Variants in MAD1L1 observed in about 807,000 individuals in gnomAD.
MAD1L1 encodes mitotic arrest deficient 1 like 1, also known as mitotic spindle assembly checkpoint protein MAD1.
Under a neutral mutation model 96.9 loss-of-function variants are expected in MAD1L1, and 95 were observed. The observed-to-expected ratio is 0.98, with a 90% CI of 0.83 to 1.16. MAD1L1 has a LOEUF of 1.16. MAD1L1 is among the 50% of genes most tolerant of loss of function. The pLI is 0.00. For missense variants in MAD1L1, 1,007 were observed against 954.4 expected (o/e 1.06, Z -0.73); for synonymous variants, 473 against 396.6 (o/e 1.19, Z -2.29).
intron 18 of MAD1L1, among the ~76,000 whole-genome samples, chr7:1,831,127 C>A (rs1434696491): frequency 6.6e-6 from 1 of 152,284 alleles, no homozygotes; most frequent in Non-Finnish European, 1.5e-5. Flanking sequence ...CTGTGCCTCA[C>A]AGACACTGCA....
At chr7:2,080,634 G>A (rs952918995) in intron 11 of MAD1L1, among the ~76,000 whole-genome samples, 3 of 150,872 alleles carry the variant, frequency 2.0e-5, no homozygotes, top group East Asian at 2.0e-4. Context: ...AAAGAACAGC[G>A]CTGGGCTCTG....
intron 6 of MAD1L1, among the ~76,000 whole-genome samples, chr7:2,219,018 C>A (rs1345211550): frequency 6.6e-6 from 1 of 152,182 alleles, no homozygotes; most frequent in African/African-American, 2.4e-5. Flanking sequence ...CATGATTACA[C>A]CATTGCACTC....
chr7:2,004,539 C>T (rs891173768), intron 13 of MAD1L1, among the ~76,000 whole-genome samples: 3 of 152,352 alleles, frequency 2.0e-5, no homozygotes, highest in South Asian at 2.1e-4. Context: ...GAGCTGTGCG[C>T]GAGGCCCGGA....
At chr7:2,218,108 G>T in intron 6 of MAD1L1, 65 bp from the exon 7 acceptor site, 2 of 1,246,006 alleles carry the variant, frequency 1.6e-6, no homozygotes, top group Non-Finnish European at 1.2e-6. Flanking sequence ...ATTCTCCTCA[G>T]CCTGAGACCC....
chr7:1,981,412 C>T (rs2128484352), intron 14 of MAD1L1, among the ~76,000 whole-genome samples: 1 of 152,256 alleles, frequency 6.6e-6, no homozygotes, highest in Admixed American at 6.5e-5. Flanking sequence ...CAGGCTGGCG[C>T]AGGCTGAGGG....
chr7:1,833,671 T>C (rs1195653853), intron 18 of MAD1L1, among the ~76,000 whole-genome samples: 1 of 152,252 alleles, frequency 6.6e-6, no homozygotes, highest in Non-Finnish European at 1.5e-5. Context: ...CCAGATGCAG[T>C]GGCTCACGCC....
At chr7:1,861,114 C>T (rs1355850818) in intron 18 of MAD1L1, among the ~76,000 whole-genome samples, 1 of 152,184 alleles carries the variant, frequency 6.6e-6, no homozygotes, top group African/African-American at 2.4e-5. Flanking sequence ...CTGCCCCTGA[C>T]TGGACAACTG....
At chr7:1,875,555 G>C (rs373268227) in intron 18 of MAD1L1, among the ~76,000 whole-genome samples, 1 of 152,200 alleles carries the variant, frequency 6.6e-6, no homozygotes, top group African/African-American at 2.4e-5. Context: ...GGAAGGCGTG[G>C]AACACAGCAG....
At chr7:1,906,960 T>C (rs1056208471) in intron 17 of MAD1L1, among the ~76,000 whole-genome samples, 2 of 152,180 alleles carry the variant, frequency 1.3e-5, no homozygotes, top group African/African-American at 2.4e-5. Flanking sequence ...AGCCTTCCCA[T>C]GGCCTCAGAT....
intron 18 of MAD1L1, among the ~76,000 whole-genome samples, chr7:1,856,005 C>G (rs11762834): frequency 3.9e-5 from 6 of 151,990 alleles, no homozygotes; most frequent in African/African-American, 1.5e-4. Context: ...GGCACTTCCT[C>G]GCGGTGCGCT....
chr7:1,852,557 G>A (rs962242337), intron 18 of MAD1L1, among the ~76,000 whole-genome samples: 2 of 152,184 alleles, frequency 1.3e-5, no homozygotes, highest in South Asian at 2.1e-4. Flanking sequence ...TGAGAGGTCC[G>A]GGTGACGTTA....
chr7:1,918,349 C>T (rs1212258735), intron 17 of MAD1L1, among the ~76,000 whole-genome samples: 2 of 152,152 alleles, frequency 1.3e-5, no homozygotes, highest in African/African-American at 4.8e-5. Flanking sequence ...TGCTGCAGAA[C>T]CTGGTTCTGG....
At chr7:2,035,250 T>C (rs370417521) in intron 12 of MAD1L1, among the ~76,000 whole-genome samples, 48 of 139,946 alleles carry the variant, frequency 3.4e-4, no homozygotes, top group Non-Finnish European at 5.8e-4. Flanking sequence ...CTCCCAGGCA[T>C]GAGCGCGGGA....
intron 15 of MAD1L1, among the ~76,000 whole-genome samples, chr7:1,973,465 C>T (rs887037338): frequency 2.6e-5 from 4 of 152,268 alleles, no homozygotes; most frequent in Non-Finnish European, 5.9e-5. Context: ...GCGTACCCCA[C>T]TCACGAGGGC....
At chr7:2,077,802 G>A (rs1250094229) in intron 11 of MAD1L1, among the ~76,000 whole-genome samples, 2 of 152,228 alleles carry the variant, frequency 1.3e-5, no homozygotes, top group Admixed American at 6.5e-5. Context: ...TTCTGAAAGA[G>A]GATATCGCTG....
intron 16 of MAD1L1, among the ~76,000 whole-genome samples, chr7:1,937,570 C>G (rs1778682915): frequency 6.6e-6 from 1 of 151,716 alleles, no homozygotes; most frequent in Non-Finnish European, 1.5e-5. Flanking sequence ...CCCCCCACAG[C>G]AGGGGACAGC....
At position 2,149,251 on chromosome 7, in the gene MAD1L1, C is replaced by G; in HGVS notation, c.987-13G>C. 1 of 1,606,674 alleles carries G rather than the reference C, an allele frequency of 6.2e-7. No individual in the cohort carries two copies. The highest frequency in any genetic ancestry group is 8.5e-7 in the Non-Finnish European group (1 of 1,173,466). On this transcript the variant is annotated splice_polypyrimidine_tract_variant and intron_variant, in intron 10 of 18. Coordinates refer to ENST00000265854, the MANE Select transcript of MAD1L1 (RefSeq NM_001013836.2). ...GTCTTCTGGAGTCCTGCAGGATAAA[C>G]AAGGCACACTCAGTTCCAGCTGTCC...
At chr7:1,969,220 T>C (rs1780303584) in intron 15 of MAD1L1, among the ~76,000 whole-genome samples, 1 of 151,914 alleles carries the variant, frequency 6.6e-6, no homozygotes, top group Non-Finnish European at 1.5e-5. Context: ...CCCATCTGTA[T>C]TAAAAATACA....
chr7:1,948,140 G>A (rs928383883), intron 16 of MAD1L1, among the ~76,000 whole-genome samples: 24 of 152,140 alleles, frequency 1.6e-4, no homozygotes, highest in African/African-American at 5.8e-4. Context: ...CCTGCAGGGG[G>A]CGAGGGAGTG....
Sources: gnomAD v4.1 joint callset for allele counts (sites outside exome capture counted in the v4.1 genomes callset) on GRCh38, gnomAD v4.1.1 for gene constraint, MANE v1.5 for transcripts, NCBI Gene and HGNC (gene_info 2026-07-23, HGNC 2026-07-21) for gene names.